NRXN3: variants seen among roughly 807,000 people sequenced by gnomAD.
The protein encoded by NRXN3 is neurexin III.
A neutral mutation model predicts 137.6 loss-of-function variants in NRXN3; 32 were observed. The ratio of observed to expected loss-of-function variants is 0.23; its 90% CI spans 0.18 to 0.31. The LOEUF is 0.31. Ranked by LOEUF, NRXN3 falls within the 10% of genes least tolerant of loss-of-function variation. The pLI is 1.00. For missense variants in NRXN3, 1,574 were observed against 2,062.5 expected, an observed-to-expected ratio of 0.76 and a Z score of 4.59; for synonymous variants, 798 against 784.5, an observed-to-expected ratio of 1.02 and a Z score of -0.29.
chr14:78,256,937 G>A (rs1270206277), intron 2 of NRXN3, among the ~76,000 whole-genome samples: 3 of 152,182 alleles, frequency 2.0e-5, no homozygotes, highest in Admixed American at 6.5e-5. Flanking sequence ...CCCAGGGCTT[G>A]CAGCTTTCAG....
At chr14:79,598,998 T>C (rs2097893452) in intron 16 of NRXN3, among the ~76,000 whole-genome samples, 1 of 152,200 alleles carries the variant, frequency 6.6e-6, no homozygotes, top group Non-Finnish European at 1.5e-5. Context: ...TTCTTCTACA[T>C]TGCACTCAAG....
At chr14:79,768,124 G>T (rs959944127) in intron 19 of NRXN3, among the ~76,000 whole-genome samples, 1 of 152,148 alleles carries the variant, frequency 6.6e-6, no homozygotes, top group South Asian at 2.1e-4. Context: ...AGGGTCCTAC[G>T]CCCACGGAGT....
At chr14:78,519,155 C>G (rs949036936) in intron 4 of NRXN3, among the ~76,000 whole-genome samples, 1 of 152,058 alleles carries the variant, frequency 6.6e-6, no homozygotes, top group African/African-American at 2.4e-5. Flanking sequence ...AAAAACCTTA[C>G]AAGAAAGTTG....
In NRXN3 at chr14:79,411,616, A is replaced by G. The variant is rs565875983; in HGVS notation, c.3263-55605A>G. ...TTTTAAACAACCATGTTATACTGCT[A>G]CTTTGATTTTACAGTAGTTTGCTCC... On this transcript the variant is annotated intron_variant, in intron 15 of 20. Transcript: ENST00000335750. Among the ~76,000 whole-genome samples the G allele has an allele frequency of 2.6e-5, 4 of 152,160 alleles. No homozygotes were observed. The East Asian group carries it at 7.7e-4, about 29-fold the overall frequency.
chr14:78,333,382 A>C lies in NRXN3; in HGVS notation c.757+35522A>C, dbSNP rs143814266. Among the ~76,000 whole-genome samples, 365 of 152,312 alleles carry C rather than the reference A, an allele frequency of 2.4e-3. 2 individuals carry two copies. The highest frequency in any genetic ancestry group is 4.6e-3 in the South Asian group (22 of 4,826). On this transcript the variant is annotated intron_variant, in intron 4 of 20. Coordinates refer to ENST00000335750, the MANE Select transcript of NRXN3 (RefSeq NM_001330195.2). The stretch of plus-strand genomic sequence containing the variant: ...CTGTGTGCCAGACACCATTCTAGGA[A>C]TTGAGGATGTATCAGAGAATAAGAT...
At position 79,678,965 on chromosome 14, in the gene NRXN3, T is replaced by C. The variant is rs77835317; in HGVS notation, c.3617-13208T>C. Among the ~76,000 whole-genome samples the C allele has an allele frequency of 0.011, 1,712 of 152,264 alleles. 132 individuals are homozygous for C. The East Asian group carries it at 0.21, about 19-fold the overall frequency. On this transcript the variant is annotated intron_variant, in intron 17 of 20. Coordinates refer to ENST00000335750, the MANE Select transcript of NRXN3 (RefSeq NM_001330195.2). ...TTCAGATATTTCTAACAATATGTACTAGTTTAATTTTATTCATCTAATTTA... is the reference window on the plus strand; with the variant it reads ...TTCAGATATTTCTAACAATATGTACCAGTTTAATTTTATTCATCTAATTTA...
chr14:78,837,731 G>A (rs1342862317), intron 10 of NRXN3, among the ~76,000 whole-genome samples: 4 of 151,988 alleles, frequency 2.6e-5, no homozygotes, highest in African/African-American at 9.7e-5. Flanking sequence ...TTCTTAATTC[G>A]ATTTTGTATT....
chr14:78,767,653 A>C (rs2098713301), intron 8 of NRXN3, among the ~76,000 whole-genome samples: 1 of 152,194 alleles, frequency 6.6e-6, no homozygotes, highest in Admixed American at 6.5e-5. Flanking sequence ...CTGTTTCCCC[A>C]TCCCTTACTG....
chr14:79,090,285 A>C (rs2048917465), intron 15 of NRXN3, among the ~76,000 whole-genome samples: 1 of 152,136 alleles, frequency 6.6e-6, no homozygotes, highest in African/African-American at 2.4e-5. Flanking sequence ...GTCTCTGAGT[A>C]TGCATTTCTA....
intron 4 of NRXN3, among the ~76,000 whole-genome samples, chr14:78,386,673 C>T (rs943352826): frequency 1.3e-5 from 2 of 152,140 alleles, no homozygotes; most frequent in Admixed American, 6.5e-5. Flanking sequence ...ACAAAGCTAG[C>T]AAGTGGCAGA....
intron 19 of NRXN3, among the ~76,000 whole-genome samples, chr14:79,776,161 T>G (rs1298028034): frequency 4.6e-5 from 7 of 152,306 alleles, no homozygotes; most frequent in African/African-American, 1.7e-4. Flanking sequence ...TAATTACTTC[T>G]CTCCACTGTT....
At chr14:78,771,811 A>G (rs1388371570) in intron 8 of NRXN3, among the ~76,000 whole-genome samples, 13 of 152,266 alleles carry the variant, frequency 8.5e-5, no homozygotes, top group Admixed American at 7.8e-4. Flanking sequence ...CCAGGCCTTT[A>G]GAAAGGAACA....
At chr14:78,328,984 A>C (rs1417270981) in intron 4 of NRXN3, among the ~76,000 whole-genome samples, 3 of 152,156 alleles carry the variant, frequency 2.0e-5, no homozygotes, top group Non-Finnish European at 2.9e-5. Flanking sequence ...TAAAAAAACC[A>C]GATCTTTTTG....
At chr14:78,892,642 C>T (rs1283488623) in intron 10 of NRXN3, among the ~76,000 whole-genome samples, 1 of 150,544 alleles carries the variant, frequency 6.6e-6, no homozygotes, top group Admixed American at 6.6e-5. Flanking sequence ...GTCTTTTCTT[C>T]CTCATTAAAA....
At chr14:79,296,297 A>G (rs2084103947) in intron 15 of NRXN3, among the ~76,000 whole-genome samples, 1 of 152,176 alleles carries the variant, frequency 6.6e-6, no homozygotes, top group Non-Finnish European at 1.5e-5. Flanking sequence ...ACATCATGAG[A>G]TAAGTAGAAA....
intron 16 of NRXN3, among the ~76,000 whole-genome samples, chr14:79,593,630 C>CAAA (rs58254245): frequency 0.2 from 15,200 of 74,322 alleles, 1,514 homozygotes; most frequent in African/African-American, 0.29. Flanking sequence ...GACTCCGTCT[C>CAAA]AAAAAAAAAA....
intron 4 of NRXN3, among the ~76,000 whole-genome samples, chr14:78,574,107 TG>T (rs1378328888): frequency 1.3e-5 from 2 of 152,182 alleles, no homozygotes; most frequent in Admixed American, 6.5e-5. Flanking sequence ...GTTGGGCCTG[TG>T]GGTGCACAGA....
chr14:78,470,484 G>A (rs776759505), intron 4 of NRXN3, among the ~76,000 whole-genome samples: 2 of 152,040 alleles, frequency 1.3e-5, no homozygotes, highest in Non-Finnish European at 2.9e-5. Flanking sequence ...CAGTAATCAA[G>A]AGATACACCT....
intron 15 of NRXN3, among the ~76,000 whole-genome samples, chr14:79,392,311 G>A (rs12437069): frequency 0.69 from 105,278 of 151,574 alleles, 36,876 homozygotes; most frequent in Middle Eastern, 0.85. Context: ...ATGTCCCTGC[G>A]AAGTACACGA....
Sources: allele counts gnomAD v4.1 joint callset (sites outside exome capture counted in the v4.1 genomes callset), GRCh38; gene constraint gnomAD v4.1.1; transcripts MANE v1.5; gene names NCBI Gene and HGNC (gene_info 2026-07-23, HGNC 2026-07-21).